Variants in NECAB1 observed in about 807,000 individuals in gnomAD.
NECAB1 encodes the protein N-terminal EF-hand calcium binding protein 1, also known as N-terminal EF-hand calcium-binding protein 1.
A neutral mutation model predicts 57.5 loss-of-function variants in NECAB1; 29 were observed. The observed-to-expected ratio is 0.50, with a 90% CI of 0.38 to 0.69. The LOEUF (loss-of-function observed/expected upper bound fraction) is 0.69, where lower values mean the gene tolerates loss of function less well. Ranked by LOEUF, NECAB1 falls within the 30% of genes least tolerant of loss-of-function variation. NECAB1 has a pLI of 0.00. For missense variants in NECAB1, 372 were observed against 413.8 expected (o/e 0.90, Z 0.88); for synonymous variants, 142 against 147.7 (o/e 0.96, Z 0.28).
chr8:90,797,123 A>G (rs1811675342), intron 1 of NECAB1, among the ~76,000 whole-genome samples: 1 of 152,236 alleles, frequency 6.6e-6, no homozygotes, highest in South Asian at 2.1e-4. Context: ...GCTGGTTGTG[A>G]TAAGGGAATG....
At chr8:90,925,860 G>A (rs1371168530) in intron 7 of NECAB1, among the ~76,000 whole-genome samples, 2 of 152,130 alleles carry the variant, frequency 1.3e-5, no homozygotes, top group Non-Finnish European at 2.9e-5. Context: ...AATCCTAGCA[G>A]TTGTGCCTGG....
chr8:90,924,684 C>G (rs1368352477), intron 6 of NECAB1, among the ~76,000 whole-genome samples: 1 of 152,130 alleles, frequency 6.6e-6, no homozygotes, highest in Middle Eastern at 3.2e-3. Flanking sequence ...GGCGATCCAG[C>G]TACCATGTTC....
chr8:90,820,529 C>T (rs1205662121), intron 2 of NECAB1, among the ~76,000 whole-genome samples: 4 of 151,506 alleles, frequency 2.6e-5, no homozygotes, highest in African/African-American at 9.7e-5. Flanking sequence ...AGTGAAAAAC[C>T]AGTGTTTTGA....
intron 5 of NECAB1, among the ~76,000 whole-genome samples, chr8:90,910,638 T>G (rs1809808567): frequency 6.6e-6 from 1 of 152,026 alleles, no homozygotes; most frequent in African/African-American, 2.4e-5. Context: ...TGTAGGTCCC[T>G]CCTGACATAG....
intron 9 of NECAB1, among the ~76,000 whole-genome samples, chr8:90,938,504 TTTGTTTCGGCCTAGCCGGAAC>T: frequency 1.3e-5 from 2 of 152,218 alleles, no homozygotes; most frequent in East Asian, 3.8e-4. Flanking sequence ...CATCCTACAA[TTTGTTTCGGCCTAGCCGGAAC>T]AGAAAATTTA....
intron 7 of NECAB1, among the ~76,000 whole-genome samples, chr8:90,927,176 C>T (rs1810292624): frequency 6.7e-6 from 1 of 149,078 alleles, no homozygotes. Flanking sequence ...GTAATATTTT[C>T]TCCAATCAGC....
intron 5 of NECAB1, among the ~76,000 whole-genome samples, chr8:90,887,048 T>G (rs1159988030): frequency 6.6e-6 from 1 of 152,204 alleles, no homozygotes; most frequent in Non-Finnish European, 1.5e-5. Context: ...ATGATTAATT[T>G]TTGTATACAC....
chr8:90,873,774 TA>T (rs1490050998), intron 4 of NECAB1, among the ~76,000 whole-genome samples: 2 of 152,250 alleles, frequency 1.3e-5, no homozygotes, highest in Non-Finnish European at 2.9e-5. Context: ...AATATTGTGT[TA>T]TCCTCTGTTT....
intron 1 of NECAB1, among the ~76,000 whole-genome samples, chr8:90,792,628 C>T (rs1311263699): frequency 2.6e-5 from 4 of 152,228 alleles, no homozygotes; most frequent in Admixed American, 2.0e-4. Context: ...TAGCTTTTGA[C>T]TATTTTCCCT....
chr8:90,800,052 A>AT (rs1025982357), intron 1 of NECAB1, among the ~76,000 whole-genome samples: 8 of 152,026 alleles, frequency 5.3e-5, no homozygotes, highest in Admixed American at 1.3e-4. Flanking sequence ...TAGGTATTTT[A>AT]TTTTTTGTGT....
At chr8:90,903,596 T>C (rs2130037053) in intron 5 of NECAB1, among the ~76,000 whole-genome samples, 1 of 152,334 alleles carries the variant, frequency 6.6e-6, no homozygotes, top group East Asian at 1.9e-4. Context: ...TTATCTCTTA[T>C]GACAAGTTTG....
rs568392826 is a variant in NECAB1, at chr8:90,828,751, T to C, written c.233+3926T>C. On this transcript the variant is annotated intron_variant, in intron 3 of 12. Coordinates refer to ENST00000417640, the MANE Select transcript of NECAB1 (RefSeq NM_022351.5). The stretch of plus-strand genomic sequence containing the variant: ...AGTTTTTCTTGCATATAGTAATTGA[T>C]TGAGTGTAGAACAAAAGACCAGCTT... Among the ~76,000 whole-genome samples the C allele has an allele frequency of 9.2e-5, 14 of 152,170 alleles. No individual in the cohort carries two copies. In the South Asian group the frequency reaches 2.1e-3, roughly 22 times the overall value.
chr8:90,951,051 T>C (rs2090418030), intron 11 of NECAB1, 62 bp from the exon 12 acceptor site: 1 of 1,012,578 alleles, frequency 9.9e-7, no homozygotes, highest in African/African-American at 1.7e-5. Context: ...ATTTGATCTC[T>C]GCTGTACTTG....
intron 3 of NECAB1, among the ~76,000 whole-genome samples, chr8:90,850,006 A>G (rs896808610): frequency 2.6e-5 from 4 of 152,240 alleles, no homozygotes; most frequent in African/African-American, 9.6e-5. Context: ...AAAGGAAAGA[A>G]TAATTCAATA....
intron 3 of NECAB1, among the ~76,000 whole-genome samples, chr8:90,836,053 A>AT (rs1812366325): frequency 6.6e-6 from 1 of 152,200 alleles, no homozygotes; most frequent in African/African-American, 2.4e-5. Context: ...TGCTATTGCT[A>AT]TATTAAAATA....
intron 5 of NECAB1, among the ~76,000 whole-genome samples, chr8:90,897,574 T>C (rs998062806): frequency 1.1e-4 from 16 of 152,232 alleles, no homozygotes; most frequent in Non-Finnish European, 1.6e-4. Flanking sequence ...TTTTTCAGAC[T>C]ATCAGATTGC....
intron 10 of NECAB1, among the ~76,000 whole-genome samples, chr8:90,948,414 C>T (rs1483269647): frequency 6.6e-6 from 1 of 151,748 alleles, no homozygotes; most frequent in Non-Finnish European, 1.5e-5. Flanking sequence ...AGAACACAAG[C>T]AGAACTAAAG....
chr8:90,919,608 G>A (rs1032946685), intron 6 of NECAB1, among the ~76,000 whole-genome samples: 2 of 152,132 alleles, frequency 1.3e-5, no homozygotes, highest in African/African-American at 4.8e-5. Context: ...TCACTGCGTT[G>A]GGTGATTCTA....
chr8:90,824,661 A>C, intron 2 of NECAB1, 56 bp from the exon 3 acceptor site: 1 of 1,191,442 alleles, frequency 8.4e-7, no homozygotes, highest in Non-Finnish European at 1.2e-6. Context: ...TAAAGCAAAA[A>C]CAGAACAATG....
Sources: gnomAD v4.1 joint callset for allele counts (sites outside exome capture counted in the v4.1 genomes callset) on GRCh38, gnomAD v4.1.1 for gene constraint, MANE v1.5 for transcripts, NCBI Gene and HGNC (gene_info 2026-07-23, HGNC 2026-07-21) for gene names.